DCLK3: variants seen among roughly 807,000 people sequenced by gnomAD.
DCLK3 encodes doublecortin like kinase 3, also known as serine/threonine-protein kinase DCLK3.
Under a neutral mutation model 46.4 loss-of-function variants are expected in DCLK3, and 30 were observed. The ratio of observed to expected loss-of-function variants is 0.65; its 90% CI spans 0.48 to 0.88. DCLK3 has a LOEUF of 0.88. DCLK3 is among the 40% of genes least tolerant of loss of function. The probability of loss-of-function intolerance (pLI) is 0.00; values close to 1 mark genes in which losing one functional copy is unlikely to be tolerated. For missense variants in DCLK3, 846 were observed against 907.1 expected (o/e 0.93, Z 0.87); for synonymous variants, 401 against 339.2 (o/e 1.18, Z -2.00).
At chr3:36,726,717 AAT>A (rs1701129341) in intron 2 of DCLK3, among the ~76,000 whole-genome samples, 1 of 152,196 alleles carries the variant, frequency 6.6e-6, no homozygotes, top group South Asian at 2.1e-4. Context: ...CAATCTAATC[AAT>A]GTCTCCATAA....
At chr3:36,758,471 G>A (rs1421418924) in intron 1 of DCLK3, among the ~76,000 whole-genome samples, 6 of 152,182 alleles carry the variant, frequency 3.9e-5, no homozygotes. Context: ...GAATGGATGA[G>A]TGACTGACAA....
chr3:36,755,074 A>G (rs1056769557), intron 1 of DCLK3, among the ~76,000 whole-genome samples: 1 of 152,234 alleles, frequency 6.6e-6, no homozygotes, highest in Non-Finnish European at 1.5e-5. Context: ...GTCAACATAT[A>G]GAAAATTGCT....
intron 2 of DCLK3, among the ~76,000 whole-genome samples, chr3:36,731,760 T>A (rs1039287697): frequency 6.6e-6 from 1 of 152,144 alleles, no homozygotes; most frequent in African/African-American, 2.4e-5. Context: ...CAAGCCACCA[T>A]CATCTCTTGC....
intron 2 of DCLK3, among the ~76,000 whole-genome samples, chr3:36,731,451 GCA>G (rs55823722): frequency 0.6 from 89,152 of 148,442 alleles, 26,715 homozygotes; most frequent in East Asian, 0.71. Context: ...CTTCGTGCGT[GCA>G]CACACACACA....
intron 2 of DCLK3, among the ~76,000 whole-genome samples, chr3:36,731,455 A>G (rs944903976): frequency 2.0e-5 from 2 of 99,696 alleles, no homozygotes; most frequent in Non-Finnish European, 4.7e-5. Flanking sequence ...GTGCGTGCAC[A>G]CACACACACA....
Position 36,712,799 on chromosome 3 carries a change from T to C in DCLK3, c.*2529A>G, listed in dbSNP as rs1458135412. The C allele has an allele frequency of 1.3e-5, 2 of 152,252 alleles. No individual in the cohort carries two copies. Among genetic ancestry groups the C allele is most frequent in the African/African-American group, 4.8e-5 (2 of 41,476 alleles). 9.4% of individuals were successfully genotyped at this position (152,252 alleles called of 1,614,324 possible). A position where few individuals can be genotyped will look rare whatever the true frequency, so the allele number is the denominator to read the frequency against. On this transcript the variant is annotated 3_prime_UTR_variant, in exon 5 of 5. Transcript: ENST00000636136. ...GTTCATCCCTTTTTTGTGGCTGTTA[T>C]TCATTGTGTGGATATACAATCTGTT...
chr3:36,729,237 G>A, intron 2 of DCLK3, among the ~76,000 whole-genome samples: 1 of 45,244 alleles, frequency 2.2e-5, no homozygotes, highest in Non-Finnish European at 5.4e-5. Context: ...TTCCCGGGTT[G>A]TGTGTGTGTG....
chr3:36,754,745 A>T (rs980180420), intron 1 of DCLK3, among the ~76,000 whole-genome samples: 1 of 152,058 alleles, frequency 6.6e-6, no homozygotes, highest in Non-Finnish European at 1.5e-5. Context: ...CACATAGCCA[A>T]CTCCTTCATG....
intron 1 of DCLK3, among the ~76,000 whole-genome samples, chr3:36,753,334 T>C (rs1701459825): frequency 6.6e-6 from 1 of 152,210 alleles, no homozygotes; most frequent in South Asian, 2.1e-4. Flanking sequence ...ATTGTTAACA[T>C]GCTCACTTAA....
intron 2 of DCLK3, among the ~76,000 whole-genome samples, chr3:36,736,791 G>A (rs569047906): frequency 6.6e-6 from 1 of 152,264 alleles, no homozygotes; most frequent in Admixed American, 6.5e-5. Context: ...CTTTTGAGCT[G>A]CTTAGCAAAG....
At chr3:36,739,416 C>T (rs1054001813) in intron 1 of DCLK3, among the ~76,000 whole-genome samples, 6 of 152,146 alleles carry the variant, frequency 3.9e-5, no homozygotes, top group African/African-American at 1.4e-4. Context: ...CCCATAATTC[C>T]CATGTATTGT....
chr3:36,733,669 A>C (rs1330644930), intron 2 of DCLK3, among the ~76,000 whole-genome samples: 1 of 152,230 alleles, frequency 6.6e-6, no homozygotes. Context: ...GTATTTCTGC[A>C]AGCTGGAAAT....
In DCLK3 at chr3:36,737,593, T is replaced by A; in HGVS notation, c.1574A>T (p.Tyr525Phe). The change falls in exon 2 of 5, where the codon TAT (tyrosine) becomes TTT (phenylalanine). Residue 525 changes from tyrosine (Y) to phenylalanine (F), a missense_variant. Coordinates refer to ENST00000636136, the MANE Select transcript of DCLK3 (RefSeq NM_001394672.2). The surrounding 1 kb of genome is among the most constrained non-coding windows in gnomAD (Gnocchi z 4.4). ...ATCCCCAATGACCCGGCCAGTCTCA[T>A]AATGCTTTTCCACATTGGCGGCAAT... ...GIIAANVEKHYETGRVIGDGN... is the reference protein window; with the variant it reads ...GIIAANVEKHFETGRVIGDGN... The A allele has an allele frequency of 6.2e-7, 1 of 1,614,176 alleles. No homozygotes were observed. Among genetic ancestry groups the A allele is most frequent in the Non-Finnish European group, 8.5e-7 (1 of 1,180,026 alleles).
intron 2 of DCLK3, among the ~76,000 whole-genome samples, chr3:36,736,171 A>G (rs1701260106): frequency 6.6e-6 from 1 of 152,218 alleles, no homozygotes; most frequent in Non-Finnish European, 1.5e-5. Flanking sequence ...TAAAGGACTC[A>G]TGATAATATG....
intron 1 of DCLK3, among the ~76,000 whole-genome samples, chr3:36,758,473 G>A (rs1041854204): frequency 6.6e-6 from 1 of 152,186 alleles, no homozygotes; most frequent in African/African-American, 2.4e-5. Flanking sequence ...ATGGATGAGT[G>A]ACTGACAAAA....
intron 1 of DCLK3, among the ~76,000 whole-genome samples, chr3:36,761,678 G>T (rs1391968686): frequency 6.6e-6 from 1 of 152,148 alleles, no homozygotes; most frequent in Non-Finnish European, 1.5e-5. Flanking sequence ...TCCAAGGAAA[G>T]GAAAACGTCT....
chr3:36,724,807 A>G (rs1701105544), intron 2 of DCLK3, among the ~76,000 whole-genome samples: 1 of 152,134 alleles, frequency 6.6e-6, no homozygotes. Flanking sequence ...AGACTAATAC[A>G]TACCCACAAA....
intron 1 of DCLK3, among the ~76,000 whole-genome samples, chr3:36,753,465 C>G (rs1858009): frequency 0.081 from 12,355 of 152,174 alleles, 678 homozygotes; most frequent in East Asian, 0.21. Context: ...ACTTTCCTTT[C>G]TAAGGAAACA....
At chr3:36,722,348 G>A (rs1042390845) in intron 2 of DCLK3, among the ~76,000 whole-genome samples, 1 of 152,162 alleles carries the variant, frequency 6.6e-6, no homozygotes, top group African/African-American at 2.4e-5. Context: ...ATAACTAAAA[G>A]GGTATAATTG....
Sources: gnomAD v4.1 joint callset for allele counts (sites outside exome capture counted in the v4.1 genomes callset) on GRCh38, gnomAD v4.1.1 for gene constraint, Gnocchi (gnomAD v3.1) non-coding constraint, MANE v1.5 for transcripts, NCBI Gene and HGNC (gene_info 2026-07-23, HGNC 2026-07-21) for gene names.